CCNK: variants seen among roughly 807,000 people sequenced by gnomAD.
The protein encoded by CCNK is cyclin K.
In CCNK, 9 loss-of-function variants were observed where a neutral mutation model predicts 65.0. The ratio of observed to expected loss-of-function variants is 0.14; its 90% CI spans 0.08 to 0.24. The LOEUF is 0.24. Among genes scored for constraint, CCNK ranks in the 10% least tolerant of loss-of-function variants. The pLI is 1.00. For missense variants in CCNK, 474 were observed against 720.0 expected, an observed-to-expected ratio of 0.66 and a Z score of 3.91; for synonymous variants, 279 against 270.8, an observed-to-expected ratio of 1.03 and a Z score of -0.30.
intron 1 of CCNK, among the ~76,000 whole-genome samples, chr14:99,484,010 T>C (rs1262239280): frequency 6.6e-6 from 1 of 152,238 alleles, no homozygotes; most frequent in Non-Finnish European, 1.5e-5. Flanking sequence ...TGGCCAGATA[T>C]AAATTTACTA....
intron 1 of CCNK, among the ~76,000 whole-genome samples, chr14:99,482,344 G>T: frequency 6.6e-6 from 1 of 152,228 alleles, no homozygotes; most frequent in East Asian, 1.9e-4. Context: ...CTAAAGGTTT[G>T]TATGAATGAT....
At chr14:99,492,334 C>A (rs925405143) in intron 1 of CCNK, 1 of 207,680 alleles carries the variant, frequency 4.8e-6, no homozygotes, top group Non-Finnish European at 9.5e-6. Flanking sequence ...AGATATACTT[C>A]GTTTCTTCCA....
intron 1 of CCNK, among the ~76,000 whole-genome samples, chr14:99,490,099 T>G (rs931622384): frequency 6.6e-6 from 1 of 152,250 alleles, no homozygotes; most frequent in Non-Finnish European, 1.5e-5. Flanking sequence ...CCAAAATATT[T>G]ACTTACTAGT....
intron 4 of CCNK, among the ~76,000 whole-genome samples, chr14:99,498,826 G>C (rs1896757620): frequency 6.6e-6 from 1 of 152,152 alleles, no homozygotes; most frequent in South Asian, 2.1e-4. Flanking sequence ...CGTTCCTGAG[G>C]AATGATGTTT....
rs1247851501 is a variant in CCNK, at chr14:99,512,126, A to AATG, written c.*1345_*1347dup. 6.6e-6 allele frequency: 1 copy of AATG among 152,250 alleles called. No individual in the cohort carries two copies. The highest frequency in any genetic ancestry group is 1.9e-4 in the East Asian group (1 of 5,194). 9.4% of individuals were successfully genotyped at this position (152,250 alleles called of 1,614,324 possible). On this transcript the variant is annotated 3_prime_UTR_variant, in exon 11 of 11. Transcript: ENST00000389879. The stretch of plus-strand genomic sequence containing the variant: ...TCCTTTTACTAAAATAGTTCAAATC[A>AATG]ATGTTTTTACCACACTATCAAAAAG...
At chr14:99,503,263 T>C (rs1391599490) in intron 8 of CCNK, 6 of 638,318 alleles carry the variant, frequency 9.4e-6, no homozygotes, top group Non-Finnish European at 1.7e-5. Flanking sequence ...GTCGTTGCCG[T>C]GTCCTAGCAG....
intron 1 of CCNK, among the ~76,000 whole-genome samples, chr14:99,491,005 C>T (rs1168448104): frequency 2.6e-5 from 4 of 151,732 alleles, no homozygotes; most frequent in African/African-American, 9.7e-5. Context: ...TGTACACTAT[C>T]CTATACCTTG....
At chr14:99,490,206 G>A (rs1885163293) in intron 1 of CCNK, among the ~76,000 whole-genome samples, 2 of 152,174 alleles carry the variant, frequency 1.3e-5, no homozygotes, top group Admixed American at 1.3e-4. Context: ...TGGACCTCGT[G>A]ACTTGCATCT....
At chr14:99,493,739 C>T in intron 3 of CCNK, 144 bp downstream of exon 3, 1 of 504,922 alleles carries the variant, frequency 2.0e-6, no homozygotes, top group Non-Finnish European at 3.4e-6. Flanking sequence ...TAAACAAAAT[C>T]AAGTTTGAAC....
chr14:99,503,136 C>G, intron 8 of CCNK, 152 bp downstream of exon 8: 1 of 903,390 alleles, frequency 1.1e-6, no homozygotes, highest in South Asian at 1.4e-5. Flanking sequence ...CGGTGGGGAG[C>G]CTGAAAACAA....
At chr14:99,504,197 CAG>C (rs756629063) in intron 9 of CCNK, 3 of 221,996 alleles carry the variant, frequency 1.4e-5, no homozygotes, top group South Asian at 4.1e-5. Context: ...AATTACAAAA[CAG>C]AAAGTTAGAA....
At chr14:99,510,008 C>A in intron 10 of CCNK, 149 bp from the exon 11 acceptor site, 1 of 723,604 alleles carries the variant, frequency 1.4e-6, no homozygotes, top group Non-Finnish European at 2.2e-6. Context: ...GGCATCAGGA[C>A]ATGGGGCATG....
chr14:99,496,298 A>G (rs1441185524), intron 4 of CCNK, among the ~76,000 whole-genome samples: 2 of 152,210 alleles, frequency 1.3e-5, no homozygotes, highest in African/African-American at 2.4e-5. Flanking sequence ...CATAACATTT[A>G]TCACAGTTTG....
At chr14:99,481,595 C>T (rs971557249) in intron 1 of CCNK, 116 bp downstream of exon 1, 50 of 395,670 alleles carry the variant, frequency 1.3e-4, no homozygotes, top group African/African-American at 8.2e-4. Flanking sequence ...CCGGATTCTG[C>T]CTCCCTCCGC....
intron 8 of CCNK, 192 bp downstream of exon 8, chr14:99,503,176 A>T (rs985563149): frequency 2.7e-6 from 2 of 730,724 alleles, no homozygotes; most frequent in Non-Finnish European, 4.8e-6. Flanking sequence ...TGCCTCTGAG[A>T]ACCAGGAGGG....
chr14:99,500,502 AAAT>A (rs762035550), intron 4 of CCNK: 6 of 374,184 alleles, frequency 1.6e-5, no homozygotes, highest in Non-Finnish European at 2.9e-5. Flanking sequence ...TATGTATTGA[AAAT>A]AATAATATTT....
chr14:99,490,235 A>G (rs1260184641), intron 1 of CCNK, among the ~76,000 whole-genome samples: 1 of 152,222 alleles, frequency 6.6e-6, no homozygotes, highest in East Asian at 1.9e-4. Context: ...GAAGATAGGA[A>G]GGGAAAAATA....
intron 1 of CCNK, among the ~76,000 whole-genome samples, chr14:99,486,745 T>C (rs1354309427): frequency 6.6e-6 from 1 of 152,232 alleles, no homozygotes; most frequent in Non-Finnish European, 1.5e-5. Flanking sequence ...CACCCCTTGT[T>C]CCAGCTGCCA....
At chr14:99,499,449 A>G (rs975361206) in intron 4 of CCNK, among the ~76,000 whole-genome samples, 27 of 152,240 alleles carry the variant, frequency 1.8e-4, no homozygotes, top group African/African-American at 5.3e-4. Flanking sequence ...ATTTGGAATA[A>G]TAATTATAGA....
Sources: allele counts gnomAD v4.1 joint callset (sites outside exome capture counted in the v4.1 genomes callset), GRCh38; gene constraint gnomAD v4.1.1; transcripts MANE v1.5; gene names NCBI Gene and HGNC (gene_info 2026-07-23, HGNC 2026-07-21).